The following C12orf42 variants were observed in gnomAD, a reference collection of about 807,000 sequenced individuals.
The protein encoded by C12orf42 is uncharacterized protein C12orf42.
A neutral mutation model predicts 21.6 loss-of-function variants in C12orf42; 25 were observed. The ratio of observed to expected loss-of-function variants is 1.16; its 90% CI spans 0.84 to 1.62. The LOEUF (loss-of-function observed/expected upper bound fraction) is 1.62, where lower values mean the gene tolerates loss of function less well. Among genes scored for constraint, C12orf42 ranks in the 40% most tolerant of loss-of-function variants. The pLI, the probability that C12orf42 is intolerant of heterozygous loss-of-function variation, is 0.00. For missense variants in C12orf42, 483 were observed against 459.3 expected (o/e 1.05, Z -0.47); for synonymous variants, 174 against 175.0 (o/e 0.99, Z 0.05).
At chr12:103,133,121 T>A in the C12orf42 span, among the ~76,000 whole-genome samples, 1 of 152,150 alleles carries the variant, frequency 6.6e-6, no homozygotes, top group Non-Finnish European at 1.5e-5. Flanking sequence ...CACCTGAGCA[T>A]TCCCTTCAGG....
At chr12:103,067,383 T>A in the C12orf42 span, among the ~76,000 whole-genome samples, 1 of 152,178 alleles carries the variant, frequency 6.6e-6, no homozygotes, top group African/African-American at 2.4e-5. Context: ...GGTCTTGCCA[T>A]GCTCCCCATC....
the C12orf42 span, among the ~76,000 whole-genome samples, chr12:103,069,740 T>G: frequency 1.3e-4 from 20 of 152,220 alleles, no homozygotes; most frequent in Admixed American, 5.9e-4. Context: ...CTCTATATTT[T>G]TTCTCTTAAT....
At chr12:103,356,666 C>G (rs1306542914) in intron 4 of C12orf42, among the ~76,000 whole-genome samples, 1 of 151,742 alleles carries the variant, frequency 6.6e-6, no homozygotes, top group Non-Finnish European at 1.5e-5. Flanking sequence ...TCCTATTTCT[C>G]CACATCCTCT....
intron 3 of C12orf42, among the ~76,000 whole-genome samples, chr12:103,384,581 TG>T (rs1378565290): frequency 7.9e-5 from 12 of 152,322 alleles, no homozygotes; most frequent in Non-Finnish European, 1.5e-4. Flanking sequence ...CACTCCTTCT[TG>T]ACTGAGGGCT....
the C12orf42 span, among the ~76,000 whole-genome samples, chr12:103,054,084 C>T: frequency 6.6e-6 from 1 of 151,740 alleles, no homozygotes; most frequent in East Asian, 1.9e-4. Context: ...TTTGCCTTTC[C>T]ATATAAATTT....
chr12:103,057,307 G>A, the C12orf42 span, among the ~76,000 whole-genome samples: 2 of 151,668 alleles, frequency 1.3e-5, no homozygotes, highest in Admixed American at 1.3e-4. Context: ...TAGGTTTTAA[G>A]CCCCACATGC....
At chr12:103,083,744 G>T in the C12orf42 span, among the ~76,000 whole-genome samples, 1 of 152,160 alleles carries the variant, frequency 6.6e-6, no homozygotes, top group Non-Finnish European at 1.5e-5. Flanking sequence ...TTTTGATTTG[G>T]TCAGTAAATA....
At chr12:103,380,310 T>C (rs2046054563) in intron 3 of C12orf42, among the ~76,000 whole-genome samples, 2 of 152,220 alleles carry the variant, frequency 1.3e-5, no homozygotes, top group African/African-American at 4.8e-5. Context: ...GACTCAAAGT[T>C]ACCTATTGAG....
intron 4 of C12orf42, among the ~76,000 whole-genome samples, chr12:103,318,919 T>G (rs577970296): frequency 5.9e-5 from 9 of 152,362 alleles, no homozygotes; most frequent in Non-Finnish European, 8.8e-5. Context: ...AATTAAGTAC[T>G]TGAATGATTC....
chr12:103,341,695 T>C (rs551106358), intron 4 of C12orf42, among the ~76,000 whole-genome samples: 1 of 152,332 alleles, frequency 6.6e-6, no homozygotes, highest in African/African-American at 2.4e-5. Context: ...GATGTCAGAT[T>C]GACTAAACAG....
the C12orf42 span, among the ~76,000 whole-genome samples, chr12:103,192,923 A>G: frequency 6.6e-6 from 1 of 152,232 alleles, no homozygotes; most frequent in African/African-American, 2.4e-5. Context: ...CATTCCACTC[A>G]ACAGCAGAAA....
chr12:103,376,883 TTC>T (rs141661735), intron 3 of C12orf42, among the ~76,000 whole-genome samples: 12 of 150,016 alleles, frequency 8.0e-5, no homozygotes, highest in East Asian at 2.0e-4. Flanking sequence ...TGTGTTCTCA[TTC>T]TCTCTCTCTC....
the C12orf42 span, among the ~76,000 whole-genome samples, chr12:103,511,890 A>C: frequency 6.6e-6 from 1 of 152,218 alleles, no homozygotes; most frequent in African/African-American, 2.4e-5. Context: ...TGGTAAGAAA[A>C]GGACACAATC....
At chr12:103,402,880 T>C (rs2048126396) in intron 2 of C12orf42, among the ~76,000 whole-genome samples, 1 of 152,094 alleles carries the variant, frequency 6.6e-6, no homozygotes, top group Non-Finnish European at 1.5e-5. Context: ...GAGTAAATAA[T>C]TGGGGAGGGT....
At chr12:103,129,998 A>C in the C12orf42 span, among the ~76,000 whole-genome samples, 1 of 152,246 alleles carries the variant, frequency 6.6e-6, no homozygotes, top group South Asian at 2.1e-4. Flanking sequence ...TAGAATCCTG[A>C]ATATTTTTCC....
chr12:103,483,330 GTCTAC>G (rs1230571534), intron 1 of C12orf42, among the ~76,000 whole-genome samples: 1 of 152,038 alleles, frequency 6.6e-6, no homozygotes, highest in African/African-American at 2.4e-5. Context: ...AGGGGTATGT[GTCTAC>G]TCTACTCTCA....
chr12:103,102,886 T>C, the C12orf42 span, among the ~76,000 whole-genome samples: 1 of 152,032 alleles, frequency 6.6e-6, no homozygotes, highest in Non-Finnish European at 1.5e-5. Flanking sequence ...AGACTTCAGT[T>C]CCTTAGAGTT....
intron 4 of C12orf42, among the ~76,000 whole-genome samples, chr12:103,324,109 T>C (rs899580722): frequency 9.2e-5 from 14 of 152,218 alleles, no homozygotes; most frequent in Admixed American, 5.2e-4. Context: ...TTGATTAGCA[T>C]TGAAGTGTGT....
chr12:103,280,163 T>C (rs1261421316), intron 4 of C12orf42, among the ~76,000 whole-genome samples: 4 of 152,210 alleles, frequency 2.6e-5, no homozygotes, highest in African/African-American at 9.6e-5. Flanking sequence ...ATACTGATAT[T>C]ACCCACATTT....
Sources: allele counts gnomAD v4.1 joint callset (sites outside exome capture counted in the v4.1 genomes callset), GRCh38; gene constraint gnomAD v4.1.1; transcripts MANE v1.5; gene names NCBI Gene and HGNC (gene_info 2026-07-23, HGNC 2026-07-21).